The following CDK14 variants were observed in gnomAD, a reference collection of about 807,000 sequenced individuals.
CDK14 encodes cyclin dependent kinase 14.
Under a neutral mutation model 60.7 loss-of-function variants are expected in CDK14, and 34 were observed. The ratio of observed to expected loss-of-function variants is 0.56; its 90% CI spans 0.43 to 0.75. The LOEUF (loss-of-function observed/expected upper bound fraction) is 0.75, where lower values mean the gene tolerates loss of function less well. Among genes scored for constraint, CDK14 ranks in the 30% least tolerant of loss-of-function variants. The probability of loss-of-function intolerance (pLI) is 0.00; values close to 1 mark genes in which losing one functional copy is unlikely to be tolerated. For missense variants in CDK14, 482 were observed against 564.1 expected (o/e 0.85, Z 1.47); for synonymous variants, 197 against 203.7 (o/e 0.97, Z 0.28).
intron 14 of CDK14, among the ~76,000 whole-genome samples, chr7:91,179,789 C>T (rs1421554405): frequency 3.3e-5 from 5 of 150,680 alleles, no homozygotes; most frequent in African/African-American, 4.9e-5. Flanking sequence ...GGCGACAGAG[C>T]GAGACTCCGT....
At chr7:91,011,723 A>C (rs1047282281) in intron 10 of CDK14, among the ~76,000 whole-genome samples, 1 of 152,042 alleles carries the variant, frequency 6.6e-6, no homozygotes, top group African/African-American at 2.4e-5. Context: ...TCAATATCTA[A>C]TGTATCATTA....
chr7:91,137,116 G>T lies in CDK14; in HGVS notation c.*28+18908G>T, dbSNP rs188423604. Among the ~76,000 whole-genome samples the T allele has an allele frequency of 2.0e-5, 3 of 152,304 alleles. No homozygotes were observed. In the East Asian group the frequency reaches 5.8e-4, roughly 29 times the overall value. Reference sequence around the variant, plus strand: ...AGAGCTTTCTAAATTTATAACTGTGGATAAAATTGTGCTTGCTGCTTTCCT... The same window carrying T: ...AGAGCTTTCTAAATTTATAACTGTGTATAAAATTGTGCTTGCTGCTTTCCT... On this transcript the variant is annotated intron_variant, in intron 14 of 14. Transcript: ENST00000380050.
At chr7:90,659,423 T>C (rs1316383331) in intron 2 of CDK14, among the ~76,000 whole-genome samples, 1 of 152,214 alleles carries the variant, frequency 6.6e-6, no homozygotes, top group Non-Finnish European at 1.5e-5. Context: ...AACAGCAGAA[T>C]TTTAAGGTAG....
chr7:91,158,365 A>G (rs1388525258), intron 14 of CDK14, among the ~76,000 whole-genome samples: 1 of 151,868 alleles, frequency 6.6e-6, no homozygotes, highest in Admixed American at 6.6e-5. Context: ...GGCACATGCT[A>G]TCATGCCCAG....
At chr7:90,855,514 A>G (rs1374083845) in intron 5 of CDK14, among the ~76,000 whole-genome samples, 1 of 152,228 alleles carries the variant, frequency 6.6e-6, no homozygotes, top group African/African-American at 2.4e-5. Flanking sequence ...TATATGTAGG[A>G]TATTAAATTA....
intron 5 of CDK14, among the ~76,000 whole-genome samples, chr7:90,848,603 T>C (rs1377120923): frequency 1.3e-5 from 2 of 152,164 alleles, no homozygotes; most frequent in Non-Finnish European, 2.9e-5. Context: ...TTTCTAAGCC[T>C]CTGAGATTGA....
intron 2 of CDK14, among the ~76,000 whole-genome samples, chr7:90,684,161 AG>A (rs1801382727): frequency 6.6e-6 from 1 of 152,224 alleles, no homozygotes; most frequent in Non-Finnish European, 1.5e-5. Flanking sequence ...GTTGTGCTGT[AG>A]CACTACAAAA....
At chr7:90,639,499 A>G (rs1268114735) in intron 2 of CDK14, among the ~76,000 whole-genome samples, 1 of 151,960 alleles carries the variant, frequency 6.6e-6, no homozygotes, top group Non-Finnish European at 1.5e-5. Context: ...GTTTTGTCTC[A>G]GAGGAGTACC....
intron 10 of CDK14, among the ~76,000 whole-genome samples, chr7:91,016,984 AG>A (rs1796317482): frequency 1.3e-5 from 2 of 152,172 alleles, no homozygotes; most frequent in African/African-American, 4.8e-5. Context: ...AATGATATTA[AG>A]GAAGAAGGCA....
intron 12 of CDK14, among the ~76,000 whole-genome samples, chr7:91,097,500 A>G (rs548531303): frequency 1.3e-5 from 2 of 152,320 alleles, no homozygotes; most frequent in South Asian, 4.1e-4. Context: ...ACAAAAAATT[A>G]TATCTAGATT....
chr7:91,078,954 C>T (rs554280594), intron 11 of CDK14, among the ~76,000 whole-genome samples: 116 of 152,126 alleles, frequency 7.6e-4, no homozygotes, highest in African/African-American at 2.4e-3. Context: ...TGTAAATATA[C>T]GGTATAGGAC....
intron 6 of CDK14, among the ~76,000 whole-genome samples, chr7:90,885,227 AAC>A (rs1211351100): frequency 1.3e-5 from 2 of 152,200 alleles, no homozygotes; most frequent in Non-Finnish European, 2.9e-5. Context: ...AAGGAACATA[AAC>A]ACATTTACAG....
At chr7:90,864,556 A>G (rs1308877541) in intron 6 of CDK14, among the ~76,000 whole-genome samples, 1 of 152,130 alleles carries the variant, frequency 6.6e-6, no homozygotes, top group African/African-American at 2.4e-5. Flanking sequence ...CTGTCCCTCA[A>G]ATTAGATAAT....
At chr7:90,922,917 G>T (rs1584127553) in intron 8 of CDK14, among the ~76,000 whole-genome samples, 1 of 151,824 alleles carries the variant, frequency 6.6e-6, no homozygotes, top group Non-Finnish European at 1.5e-5. Flanking sequence ...CTATATACCC[G>T]CTTCCCATAT....
At chr7:90,798,649 T>A (rs1013763741) in intron 5 of CDK14, among the ~76,000 whole-genome samples, 1 of 152,226 alleles carries the variant, frequency 6.6e-6, no homozygotes, top group Non-Finnish European at 1.5e-5. Context: ...CTCACAGGCT[T>A]ACCTAGAAAC....
chr7:91,016,826 C>G (rs1796314308), intron 10 of CDK14, among the ~76,000 whole-genome samples: 1 of 152,118 alleles, frequency 6.6e-6, no homozygotes, highest in Non-Finnish European at 1.5e-5. Context: ...TCAAACAAAA[C>G]TAAACAAAGC....
chr7:90,876,756 T>G (rs1025477530), intron 6 of CDK14, among the ~76,000 whole-genome samples: 1 of 152,250 alleles, frequency 6.6e-6, no homozygotes. Context: ...CCATTCTTAA[T>G]AAGTTTAAAT....
chr7:90,934,541 A>G (rs571612212), intron 8 of CDK14, among the ~76,000 whole-genome samples: 1 of 152,360 alleles, frequency 6.6e-6, no homozygotes, highest in East Asian at 1.9e-4. Context: ...TTTTAAAAGC[A>G]TGGTATCAAG....
Position 90,596,453 on chromosome 7 carries a change from C to G in CDK14, c.-175C>G, listed in dbSNP as rs1799187126. 1.9e-6 allele frequency: 1 copy of G among 525,838 alleles called. No individual in the cohort carries two copies. The highest frequency in any genetic ancestry group is 3.6e-5 in the Admixed American group (1 of 27,898). The allele number at this position is 525,838 out of a possible 1,614,324, so 32.6% of individuals were successfully genotyped here. A position where few individuals can be genotyped will look rare whatever the true frequency, so the allele number is the denominator to read the frequency against. ...GCTGCGGCCCAGGCCGGAGCGGAGC[C>G]TGCCGTCCTCCGCCTGCCTGCTGCT... is the stretch of plus-strand genomic sequence containing the variant. On this transcript the variant is annotated 5_prime_UTR_variant, in exon 1 of 15. Coordinates refer to ENST00000380050, the MANE Select transcript of CDK14 (RefSeq NM_001287135.2).
Sources: allele counts gnomAD v4.1 joint callset (sites outside exome capture counted in the v4.1 genomes callset), GRCh38; gene constraint gnomAD v4.1.1; transcripts MANE v1.5; gene names NCBI Gene and HGNC (gene_info 2026-07-23, HGNC 2026-07-21).